The following FBXO36 variants were observed in gnomAD, a reference collection of about 807,000 sequenced individuals.
FBXO36 encodes F-box protein 36, also known as F-box only protein 36.
Under a neutral mutation model 17.0 loss-of-function variants are expected in FBXO36, and 18 were observed. The ratio of observed to expected loss-of-function variants is 1.06; its 90% CI spans 0.73 to 1.57. The LOEUF (loss-of-function observed/expected upper bound fraction) is 1.57, where lower values mean the gene tolerates loss of function less well. Ranked by LOEUF, FBXO36 falls within the 40% of genes most tolerant of loss-of-function variation. The pLI, the probability that FBXO36 is intolerant of heterozygous loss-of-function variation, is 0.00. For synonymous variants in FBXO36, 83 were observed against 85.3 expected, an observed-to-expected ratio of 0.97 and a Z score of 0.15; for missense variants, 229 against 221.9, an observed-to-expected ratio of 1.03 and a Z score of -0.20.
chr2:229,951,236 G>C (rs1221965797), intron 1 of FBXO36, among the ~76,000 whole-genome samples: 2 of 151,126 alleles, frequency 1.3e-5, no homozygotes, highest in South Asian at 2.1e-4. Context: ...CCCGTCCCAG[G>C]CAACTTTTTT....
chr2:230,009,611 C>T (rs528574670), intron 3 of FBXO36, among the ~76,000 whole-genome samples: 1 of 152,240 alleles, frequency 6.6e-6, no homozygotes, highest in African/African-American at 2.4e-5. Flanking sequence ...TGGCTAAAGA[C>T]AGACAGAAGA....
Position 230,012,486 on chromosome 2 carries a change from T to G in FBXO36, c.*1602T>G, listed in dbSNP as rs2077420586. The G allele has an allele frequency of 6.8e-6, 1 of 147,166 alleles. No individual in the cohort carries two copies. Among genetic ancestry groups the G allele is most frequent in the African/African-American group, 2.4e-5 (1 of 41,068 alleles). 9.1% of individuals were successfully genotyped at this position (147,166 alleles called of 1,614,324 possible). On this transcript the variant is annotated 3_prime_UTR_variant, in exon 4 of 4. Transcript: ENST00000283946. ...CCAGCAGATGAGGAGCCTGACGTGG[T>G]TATGTCTGGATTTAGTCCAAGAACA...
intron 1 of FBXO36, among the ~76,000 whole-genome samples, chr2:229,971,991 C>CA (rs2077183073): frequency 9.6e-6 from 1 of 104,044 alleles, no homozygotes. Flanking sequence ...GTATCCAATT[C>CA]TTTTTTTTTT....
At position 229,949,538 on chromosome 2, in the gene FBXO36, TACACACACAC is replaced by T. The variant is rs56048655; in HGVS notation, c.97-26685_97-26676del. 5.4e-5 allele frequency among the ~76,000 whole-genome samples: 8 copies of T among 149,528 alleles called. No homozygotes were observed. The East Asian group carries it at 9.8e-4, about 18-fold the overall frequency. ...AATTATCCCATTCATGTAAAATGTA[TACACACACAC>T]ACACACACACACACACAGATTAATC... On this transcript the variant is annotated intron_variant, in intron 1 of 3. Coordinates refer to ENST00000283946, the MANE Select transcript of FBXO36 (RefSeq NM_174899.5).
chr2:229,950,869 G>A (rs1328661610), intron 1 of FBXO36, among the ~76,000 whole-genome samples: 1 of 150,396 alleles, frequency 6.6e-6, no homozygotes, highest in Non-Finnish European at 1.5e-5. Context: ...TGATTCTCCT[G>A]TCTCAGCCTC....
chr2:229,965,999 T>C (rs1290013692), intron 1 of FBXO36, among the ~76,000 whole-genome samples: 1 of 152,202 alleles, frequency 6.6e-6, no homozygotes, highest in African/African-American at 2.4e-5. Context: ...CCACCAACAG[T>C]GTAAAAGTGT....
At chr2:229,935,693 C>G (rs1259954877) in intron 1 of FBXO36, among the ~76,000 whole-genome samples, 1 of 152,104 alleles carries the variant, frequency 6.6e-6, no homozygotes, top group Non-Finnish European at 1.5e-5. Context: ...ATTAGTGGAT[C>G]TTTTGGATCC....
chr2:229,946,783 C>T (rs2077029323), intron 1 of FBXO36, among the ~76,000 whole-genome samples: 1 of 152,166 alleles, frequency 6.6e-6, no homozygotes, highest in African/African-American at 2.4e-5. Context: ...GGTCATGAAT[C>T]CAGCTTTTAG....
chr2:229,992,475 C>G (rs1481964313), intron 2 of FBXO36, among the ~76,000 whole-genome samples: 1 of 152,054 alleles, frequency 6.6e-6, no homozygotes, highest in Non-Finnish European at 1.5e-5. Flanking sequence ...AATCTTTTGT[C>G]TTCATCTTTA....
chr2:229,979,875 A>G (rs1015213166), intron 2 of FBXO36, among the ~76,000 whole-genome samples: 1 of 152,084 alleles, frequency 6.6e-6, no homozygotes, highest in Non-Finnish European at 1.5e-5. Flanking sequence ...GACTGAGATT[A>G]GAAGAAAAAA....
chr2:229,948,377 G>C (rs1482147534), intron 1 of FBXO36, among the ~76,000 whole-genome samples: 3 of 152,142 alleles, frequency 2.0e-5, no homozygotes, highest in Non-Finnish European at 2.9e-5. Flanking sequence ...ATGGGAAAAG[G>C]CCTCCTCTGT....
intron 3 of FBXO36, among the ~76,000 whole-genome samples, chr2:230,001,343 A>G (rs1013611745): frequency 6.6e-5 from 10 of 151,148 alleles, no homozygotes; most frequent in African/African-American, 2.2e-4. Flanking sequence ...GCTGGAGTGC[A>G]ATGGCACCAT....
At chr2:229,938,483 CTTTT>C (rs111952762) in intron 1 of FBXO36, among the ~76,000 whole-genome samples, 2 of 93,984 alleles carry the variant, frequency 2.1e-5, no homozygotes, top group African/African-American at 3.8e-5. Flanking sequence ...ATACAACTTT[CTTTT>C]TTTTTTTTTT....
intron 2 of FBXO36, among the ~76,000 whole-genome samples, chr2:229,995,079 A>C (rs921681610): frequency 2.0e-5 from 3 of 151,934 alleles, no homozygotes; most frequent in African/African-American, 7.3e-5. Context: ...GTGCCACTGC[A>C]CTCCAGCCTG....
rs34921072 is a variant in FBXO36 at position 229,997,577 on chromosome 2, C to CA, written c.378+670dup. On this transcript the variant is annotated intron_variant, in intron 3 of 3. Coordinates refer to ENST00000283946, the MANE Select transcript of FBXO36 (RefSeq NM_174899.5). The stretch of plus-strand genomic sequence containing the variant: ...TGGGTGACAGAGCGAGACTCTGACT[C>CA]AAAAAAAAAAAAAAAAGAGAGAGAG... 4.5e-3 allele frequency among the ~76,000 whole-genome samples: 424 copies of CA among 94,374 alleles called. 1 individual carries two copies. Among genetic ancestry groups the CA allele is most frequent in the South Asian group, 7.4e-3 (21 of 2,850 alleles). 61.9% of individuals were successfully genotyped at this position (94,374 alleles called of 152,430 possible). A position where few individuals can be genotyped will look rare whatever the true frequency, so the allele number is the denominator to read the frequency against.
intron 2 of FBXO36, among the ~76,000 whole-genome samples, chr2:229,977,458 G>GTT (rs1198492908): frequency 9.3e-5 from 14 of 150,496 alleles, no homozygotes; most frequent in African/African-American, 3.2e-4. Flanking sequence ...TTTGTTTTTT[G>GTT]TTTTTTTTTG....
In FBXO36 at chr2:229,970,198, C is replaced by T. The variant is rs1208075844; in HGVS notation, c.97-6043C>T. 3.3e-5 allele frequency among the ~76,000 whole-genome samples: 5 copies of T among 152,106 alleles called. 1 individual carries two copies. Among genetic ancestry groups the T allele is most frequent in the African/African-American group, 4.8e-5 (2 of 41,436 alleles). The stretch of plus-strand genomic sequence containing the variant: ...AGAGAAATGCAGACTTATATTCATA[C>T]GAAAACCTACACACAAATGTTTATA... On this transcript the variant is annotated intron_variant, in intron 1 of 3. Transcript: ENST00000283946.
chr2:229,951,390 C>T (rs1297224083), intron 1 of FBXO36, among the ~76,000 whole-genome samples: 2 of 151,936 alleles, frequency 1.3e-5, no homozygotes, highest in Non-Finnish European at 2.9e-5. Flanking sequence ...ATTACAGGCA[C>T]GTGCCACCAT....
chr2:229,980,359 G>C (rs894711804), intron 2 of FBXO36, among the ~76,000 whole-genome samples: 2 of 148,844 alleles, frequency 1.3e-5, no homozygotes, highest in Admixed American at 6.7e-5. Flanking sequence ...ACGGCGCCCT[G>C]CCTCCATTTT....
Sources: allele counts gnomAD v4.1 joint callset (sites outside exome capture counted in the v4.1 genomes callset), GRCh38; gene constraint gnomAD v4.1.1; transcripts MANE v1.5; gene names NCBI Gene and HGNC (gene_info 2026-07-23, HGNC 2026-07-21).